CDH9: variants seen among roughly 807,000 people sequenced by gnomAD.
CDH9 encodes cadherin 9, also known as cadherin-9.
In CDH9, 28 loss-of-function variants were observed where a neutral mutation model predicts 70.9. The observed-to-expected ratio is 0.40, with a 90% confidence interval of 0.29 to 0.54. The LOEUF is 0.54. Ranked by LOEUF, CDH9 falls within the 20% of genes least tolerant of loss-of-function variation. The pLI is 0.59. For missense variants in CDH9, 874 were observed against 984.4 expected (o/e 0.89, Z 1.50); for synonymous variants, 409 against 343.1 (o/e 1.19, Z -2.12).
intron 2 of CDH9, among the ~76,000 whole-genome samples, chr5:26,954,445 C>T (rs150307042): frequency 0.02 from 2,416 of 120,370 alleles, 78 homozygotes; most frequent in African/African-American, 0.073. Flanking sequence ...AGTGCAGTGG[C>T]GCCATCTCGG....
intron 1 of CDH9, among the ~76,000 whole-genome samples, chr5:27,033,795 T>C (rs1428656): frequency 0.44 from 66,829 of 151,130 alleles, 15,589 homozygotes; most frequent in Non-Finnish European, 0.5. Flanking sequence ...CATTTTAGAG[T>C]TGGCTGATTG....
chr5:26,938,413 A>G (rs1339796637), intron 2 of CDH9, among the ~76,000 whole-genome samples: 1 of 152,022 alleles, frequency 6.6e-6, no homozygotes, highest in Non-Finnish European at 1.5e-5. Context: ...CTTGCTCAAC[A>G]CATTATGCTT....
chr5:26,902,791 T>A, intron 6 of CDH9, 62 bp from the exon 7 acceptor site: 1 of 977,068 alleles, frequency 1.0e-6, no homozygotes, highest in South Asian at 1.5e-5. Context: ...TGAAAGACGA[T>A]TTCAAATTTT....
intron 2 of CDH9, among the ~76,000 whole-genome samples, chr5:26,952,066 C>T (rs1223314634): frequency 1.3e-5 from 2 of 150,312 alleles, no homozygotes; most frequent in African/African-American, 2.4e-5. Context: ...CTGCAACCTC[C>T]GCCTCTCGGG....
intron 2 of CDH9, among the ~76,000 whole-genome samples, chr5:26,923,132 AAAAG>A: frequency 6.6e-6 from 1 of 151,426 alleles, no homozygotes; most frequent in Non-Finnish European, 1.5e-5. Flanking sequence ...ATGGATGAAA[AAAAG>A]AAAGACAAAG....
chr5:26,915,899 T>A lies in CDH9; in HGVS notation c.254A>T (p.Asp85Val), dbSNP rs1741140235. Reference protein sequence around the residue: ...GKLHTDQDKGDGNLKYILTGD... With the variant: ...GKLHTDQDKGVGNLKYILTGD... ...TGTTAGTATGTATTTTAAATTTCCA[T>A]CTCCTTTATCTTGGTCAGTGTGAAG... Residue 85 changes from aspartate (D) to valine (V), a missense_variant, in exon 3 of 12, where the codon GAT becomes GTT. Coordinates refer to ENST00000231021, the MANE Select transcript of CDH9 (RefSeq NM_016279.4). 1.2e-6 allele frequency: 2 copies of A among 1,610,460 alleles called. No individual in the cohort carries two copies. The highest frequency in any genetic ancestry group is 1.7e-6 in the Non-Finnish European group (2 of 1,177,510).
At chr5:26,990,181 C>T (rs908210405) in intron 1 of CDH9, among the ~76,000 whole-genome samples, 5 of 152,212 alleles carry the variant, frequency 3.3e-5, no homozygotes, top group African/African-American at 1.2e-4. Flanking sequence ...CATCATCAAG[C>T]ATCGTTGCTC....
chr5:26,905,895 T>C, intron 5 of CDH9, 64 bp downstream of exon 5: 2 of 1,235,578 alleles, frequency 1.6e-6, no homozygotes, highest in Non-Finnish European at 2.4e-6. Context: ...AATGTGAATA[T>C]TAAACTCGGC....
chr5:26,889,314 A>G (rs1561183760), intron 9 of CDH9, among the ~76,000 whole-genome samples: 2 of 152,132 alleles, frequency 1.3e-5, no homozygotes, highest in Non-Finnish European at 2.9e-5. Context: ...AGAAGACTTC[A>G]TAATTCTTTT....
chr5:27,012,676 A>G (rs967997302), intron 1 of CDH9, among the ~76,000 whole-genome samples: 1 of 152,072 alleles, frequency 6.6e-6, no homozygotes, highest in Non-Finnish European at 1.5e-5. Flanking sequence ...ATCAAACAAG[A>G]AACAATTAAG....
chr5:26,883,070 TATATATA>T (rs1740496933), intron 11 of CDH9, among the ~76,000 whole-genome samples: 1 of 127,798 alleles, frequency 7.8e-6, no homozygotes, highest in Non-Finnish European at 1.7e-5. Flanking sequence ...TATATATATA[TATATATA>T]TATATATATA....
At chr5:26,955,093 G>C (rs1741924410) in intron 2 of CDH9, among the ~76,000 whole-genome samples, 1 of 152,164 alleles carries the variant, frequency 6.6e-6, no homozygotes, top group African/African-American at 2.4e-5. Context: ...CTAATAAGCT[G>C]TTACTCACTG....
At chr5:26,948,186 G>A (rs539510900) in intron 2 of CDH9, among the ~76,000 whole-genome samples, 35 of 152,268 alleles carry the variant, frequency 2.3e-4, no homozygotes, top group African/African-American at 8.4e-4. Context: ...GTTTATGAAT[G>A]CCAAACAAGG....
At chr5:27,027,061 A>G (rs1561045531) in intron 1 of CDH9, among the ~76,000 whole-genome samples, 1 of 152,020 alleles carries the variant, frequency 6.6e-6, no homozygotes, top group Non-Finnish European at 1.5e-5. Flanking sequence ...ATAGATTATG[A>G]TATGAGAGCC....
At chr5:26,955,031 C>A (rs1250571042) in intron 2 of CDH9, among the ~76,000 whole-genome samples, 2 of 152,048 alleles carry the variant, frequency 1.3e-5, no homozygotes, top group Non-Finnish European at 2.9e-5. Flanking sequence ...GAGAACATTA[C>A]TCAAAAAAAG....
intron 2 of CDH9, among the ~76,000 whole-genome samples, chr5:26,979,492 G>A (rs1230919647): frequency 6.6e-6 from 1 of 151,520 alleles, no homozygotes; most frequent in Non-Finnish European, 1.5e-5. Context: ...ACAACTGGGG[G>A]GAACAGAAAA....
intron 1 of CDH9, among the ~76,000 whole-genome samples, chr5:27,032,867 G>T (rs1020747275): frequency 2.0e-5 from 3 of 151,022 alleles, no homozygotes; most frequent in African/African-American, 7.3e-5. Context: ...TAATATATTT[G>T]CTTTGTATTA....
intron 2 of CDH9, among the ~76,000 whole-genome samples, chr5:26,939,490 T>C: frequency 6.6e-6 from 1 of 151,716 alleles, no homozygotes; most frequent in Admixed American, 6.6e-5. Flanking sequence ...TCTCTACTGT[T>C]AATAAATATA....
intron 11 of CDH9, among the ~76,000 whole-genome samples, chr5:26,883,613 A>G (rs1257228432): frequency 1.3e-5 from 2 of 152,266 alleles, no homozygotes; most frequent in African/African-American, 2.4e-5. Flanking sequence ...AAATCAAACC[A>G]TAGTTAGACT....
Sources: gnomAD v4.1 joint callset for allele counts (sites outside exome capture counted in the v4.1 genomes callset) on GRCh38, gnomAD v4.1.1 for gene constraint, MANE v1.5 for transcripts, NCBI Gene and HGNC (gene_info 2026-07-23, HGNC 2026-07-21) for gene names.